Variants in COMMD1 observed in about 807,000 individuals in gnomAD.
COMMD1 encodes the protein COMM domain-containing protein 1.
Under a neutral mutation model 17.2 loss-of-function variants are expected in COMMD1, and 10 were observed. The ratio of observed to expected loss-of-function variants is 0.58; its 90% confidence interval spans 0.36 to 0.99. COMMD1 has a LOEUF of 0.99. COMMD1 is among the 50% of genes least tolerant of loss of function. The pLI is 0.01. For synonymous variants in COMMD1, 97 were observed against 91.6 expected (o/e 1.06, Z -0.34); for missense variants, 270 against 231.8 (o/e 1.17, Z -1.07).
At chr2:62,022,505 T>C (rs544596053) in intron 2 of COMMD1, among the ~76,000 whole-genome samples, 1 of 150,804 alleles carries the variant, frequency 6.6e-6, no homozygotes, top group African/African-American at 2.4e-5. Flanking sequence ...TTGAGGCACT[T>C]GGTAAACAAA....
intron 2 of COMMD1, among the ~76,000 whole-genome samples, chr2:62,125,151 T>A (rs1210516250): frequency 6.6e-6 from 1 of 152,272 alleles, no homozygotes; most frequent in East Asian, 1.9e-4. Flanking sequence ...ACACTAATAC[T>A]GTAATACTTA....
chr2:61,957,589 A>G (rs1671231643), intron 1 of COMMD1, among the ~76,000 whole-genome samples: 1 of 152,100 alleles, frequency 6.6e-6, no homozygotes, highest in Non-Finnish European at 1.5e-5. Flanking sequence ...TTTTTTCATT[A>G]CAAAAAAAAT....
chr2:61,913,285 T>C (rs1167099598), intron 1 of COMMD1, among the ~76,000 whole-genome samples: 1 of 147,516 alleles, frequency 6.8e-6, no homozygotes, highest in South Asian at 2.1e-4. Flanking sequence ...GAGAATCCCT[T>C]GAACCTGGGA....
intron 2 of COMMD1, among the ~76,000 whole-genome samples, chr2:62,009,615 AAAAG>A (rs1471067881): frequency 0.011 from 1,701 of 151,740 alleles, 20 homozygotes; most frequent in Non-Finnish European, 0.02. Flanking sequence ...AAAAAAAAAA[AAAAG>A]AAAGAATAAG....
intron 1 of COMMD1, among the ~76,000 whole-genome samples, chr2:61,935,576 C>T (rs866448449): frequency 2.0e-5 from 3 of 151,558 alleles, no homozygotes; most frequent in Admixed American, 6.6e-5. Context: ...TGCAGTGAGC[C>T]GACCGAGATC....
intron 2 of COMMD1, among the ~76,000 whole-genome samples, chr2:62,054,315 A>G (rs1010352226): frequency 2.6e-5 from 4 of 152,156 alleles, no homozygotes; most frequent in Non-Finnish European, 5.9e-5. Context: ...AAATGGAACT[A>G]CCATTTGACC....
intron 2 of COMMD1, among the ~76,000 whole-genome samples, chr2:62,109,919 CTT>C (rs11345736): frequency 5.4e-4 from 40 of 73,874 alleles, no homozygotes; most frequent in South Asian, 2.2e-3. Context: ...TTATCTTGAT[CTT>C]TTTTTTTTTT....
At chr2:62,059,334 T>A (rs200497818) in intron 2 of COMMD1, among the ~76,000 whole-genome samples, 12,159 of 151,462 alleles carry the variant, frequency 0.08, 1,180 homozygotes, top group African/African-American at 0.23. Context: ...TAAAAAAAAA[T>A]TTTTTTGTTT....
chr2:61,892,082 T>C (rs1336185837), intron 1 of COMMD1, among the ~76,000 whole-genome samples: 26 of 151,890 alleles, frequency 1.7e-4, no homozygotes, highest in Admixed American at 1.6e-3. Context: ...CCGCCTGCCT[T>C]GGCCTCCCAA....
chr2:61,998,932 A>G (rs551963414), intron 1 of COMMD1, among the ~76,000 whole-genome samples: 1 of 152,330 alleles, frequency 6.6e-6, no homozygotes, highest in East Asian at 1.9e-4. Context: ...GGCATGTTTC[A>G]TGGCGCCCTG....
chr2:61,968,961 TTTTA>T (rs1387462800), intron 1 of COMMD1: 7 of 327,992 alleles, frequency 2.1e-5, no homozygotes, highest in South Asian at 4.7e-5. Context: ...TTTTTTTTTT[TTTTA>T]AAGACAGGAT....
chr2:61,937,403 C>T (rs905226539), intron 1 of COMMD1, among the ~76,000 whole-genome samples: 3 of 152,126 alleles, frequency 2.0e-5, no homozygotes, highest in Middle Eastern at 3.2e-3. Context: ...TAATTTTGTC[C>T]CATAGTATTG....
rs1482455480 is a variant in COMMD1, at chr2:62,050,987, A to G, written c.462+50005A>G. On this transcript the variant is annotated intron_variant, in intron 2 of 2. Coordinates refer to ENST00000311832, the MANE Select transcript of COMMD1 (RefSeq NM_152516.4). Reference sequence around the variant, plus strand: ...CAAGTTTACCTTGATATGTACAGGTACTTAAAATCTGTAGGTGAAATTGTT... The same window carrying G: ...CAAGTTTACCTTGATATGTACAGGTGCTTAAAATCTGTAGGTGAAATTGTT... Among the ~76,000 whole-genome samples the G allele has an allele frequency of 2.6e-5, 4 of 152,292 alleles. No individual in the cohort carries two copies. In the East Asian group the frequency reaches 7.7e-4, roughly 29 times the overall value.
intron 2 of COMMD1, among the ~76,000 whole-genome samples, chr2:62,002,036 G>C (rs1668960479): frequency 6.6e-6 from 1 of 152,040 alleles, no homozygotes; most frequent in South Asian, 2.1e-4. Context: ...TGGGCATGGT[G>C]GCACATGCCT....
chr2:61,975,118 C>CTTTCTT (rs375361774), intron 1 of COMMD1, among the ~76,000 whole-genome samples: 2 of 80,166 alleles, frequency 2.5e-5, no homozygotes, highest in South Asian at 5.0e-4. Flanking sequence ...TCATTTCTTT[C>CTTTCTT]TTTTTTTTTT....
At chr2:62,072,645 C>T (rs1671228646) in intron 2 of COMMD1, among the ~76,000 whole-genome samples, 1 of 152,256 alleles carries the variant, frequency 6.6e-6, no homozygotes, top group Non-Finnish European at 1.5e-5. Context: ...ACACTCTTGT[C>T]TGCCAGACCA....
At chr2:62,006,589 C>T (rs982330096) in intron 2 of COMMD1, among the ~76,000 whole-genome samples, 22 of 151,994 alleles carry the variant, frequency 1.4e-4, no homozygotes, top group African/African-American at 4.8e-4. Flanking sequence ...AAACATGATT[C>T]AATTGTAAAA....
At chr2:61,992,791 G>A (rs1672284639) in intron 1 of COMMD1, among the ~76,000 whole-genome samples, 1 of 152,150 alleles carries the variant, frequency 6.6e-6, no homozygotes, top group Non-Finnish European at 1.5e-5. Context: ...TGGTTTATCA[G>A]TTTTCAAATT....
intron 1 of COMMD1, among the ~76,000 whole-genome samples, chr2:61,985,626 T>C (rs1283368734): frequency 1.3e-5 from 2 of 152,184 alleles, no homozygotes; most frequent in African/African-American, 4.8e-5. Flanking sequence ...TTTTATTTTT[T>C]CTGTATCCTT....
Sources: allele counts gnomAD v4.1 joint callset (sites outside exome capture counted in the v4.1 genomes callset), GRCh38; gene constraint gnomAD v4.1.1; transcripts MANE v1.5; gene names NCBI Gene and HGNC (gene_info 2026-07-23, HGNC 2026-07-21).